Variants in CNTNAP2 observed in about 807,000 individuals in gnomAD.
The protein encoded by CNTNAP2 is contactin associated protein 2.
CNTNAP2 carries 98 observed loss-of-function variants against 155.2 expected under a neutral mutation model. That is an observed-to-expected ratio of 0.63 (90% CI 0.54 to 0.75). The LOEUF (loss-of-function observed/expected upper bound fraction) is 0.75. Among genes scored for constraint, CNTNAP2 ranks in the 30% least tolerant of loss-of-function variants. The pLI, the probability that CNTNAP2 is intolerant of heterozygous loss-of-function variation, is 0.00. For synonymous variants in CNTNAP2, 651 were observed against 631.2 expected (o/e 1.03, Z -0.47); for missense variants, 1,727 against 1,688.1 (o/e 1.02, Z -0.40).
In CNTNAP2 at chr7:148,093,187, TAAA is replaced by T. The variant is rs10553315; in HGVS notation, c.2384-24919_2384-24917del. 4.5e-4 allele frequency among the ~76,000 whole-genome samples: 65 copies of T among 145,420 alleles called. 2 individuals carry two copies. The highest frequency in any genetic ancestry group is 3.0e-3 in the East Asian group (15 of 5,034). On this transcript the variant is annotated intron_variant, in intron 15 of 23. Coordinates refer to ENST00000361727, the MANE Select transcript of CNTNAP2 (RefSeq NM_014141.6). ...AAATAGATATATCTGAGAGCTCTGC[TAAA>T]AAAAAAAAAAATTAAATTTTTTTAA...
chr7:146,211,874 T>A (rs1445303264), intron 1 of CNTNAP2, among the ~76,000 whole-genome samples: 3 of 152,242 alleles, frequency 2.0e-5, no homozygotes, highest in Middle Eastern at 3.4e-3. Flanking sequence ...AAATTCTATA[T>A]TTTTTAAGTT....
intron 8 of CNTNAP2, among the ~76,000 whole-genome samples, chr7:147,140,402 A>C (rs1270336361): frequency 1.3e-5 from 2 of 151,852 alleles, no homozygotes; most frequent in African/African-American, 4.8e-5. Context: ...TCCTTCCCTC[A>C]TTCCAATCCT....
intron 14 of CNTNAP2, among the ~76,000 whole-genome samples, chr7:147,910,360 C>T (rs911698833): frequency 6.6e-6 from 1 of 152,098 alleles, no homozygotes; most frequent in Non-Finnish European, 1.5e-5. Flanking sequence ...ATCTCATTGA[C>T]TCTATGCCAA....
intron 9 of CNTNAP2, among the ~76,000 whole-genome samples, chr7:147,343,530 T>C (rs1349934437): frequency 1.3e-5 from 2 of 152,164 alleles, no homozygotes; most frequent in African/African-American, 4.8e-5. Flanking sequence ...AGAGAAAGCC[T>C]TTATTTACTT....
At chr7:147,831,300 A>G (rs907655325) in intron 13 of CNTNAP2, among the ~76,000 whole-genome samples, 1 of 152,242 alleles carries the variant, frequency 6.6e-6, no homozygotes, top group East Asian at 1.9e-4. Flanking sequence ...ATTCTGAGAC[A>G]CTAAAAATAA....
chr7:146,347,344 G>A (rs1794834958), intron 1 of CNTNAP2, among the ~76,000 whole-genome samples: 1 of 152,074 alleles, frequency 6.6e-6, no homozygotes, highest in Non-Finnish European at 1.5e-5. Context: ...CTCACCATAA[G>A]TCCTAACTTC....
At chr7:146,338,446 T>TA (rs1801316639) in intron 1 of CNTNAP2, among the ~76,000 whole-genome samples, 1 of 152,136 alleles carries the variant, frequency 6.6e-6, no homozygotes, top group African/African-American at 2.4e-5. Flanking sequence ...AGATATAAAG[T>TA]TATATGGAGT....
chr7:146,649,650 A>G (rs1037936906), intron 1 of CNTNAP2, among the ~76,000 whole-genome samples: 4 of 152,296 alleles, frequency 2.6e-5, no homozygotes, highest in East Asian at 1.9e-4. Flanking sequence ...AAAAATTTAC[A>G]TCTTTCTCAA....
intron 1 of CNTNAP2, among the ~76,000 whole-genome samples, chr7:146,756,898 C>A (rs928246328): frequency 6.6e-6 from 1 of 152,026 alleles, no homozygotes; most frequent in African/African-American, 2.4e-5. Flanking sequence ...TGTAATTTTT[C>A]AGAACTGCTT....
chr7:147,221,766 A>G lies in CNTNAP2; in HGVS notation c.1349-78375A>G, dbSNP rs569248917. 2.0e-5 allele frequency among the ~76,000 whole-genome samples: 3 copies of G among 152,356 alleles called. No homozygotes were observed. In the East Asian group the frequency reaches 5.8e-4, roughly 29 times the overall value. ...AATGACTTAGGATGTTTTGCAAAGC[A>G]GGTCTACTGACAAGTCCCCTTAATT... On this transcript the variant is annotated intron_variant, in intron 8 of 23. Coordinates refer to ENST00000361727, the MANE Select transcript of CNTNAP2 (RefSeq NM_014141.6).
intron 1 of CNTNAP2, among the ~76,000 whole-genome samples, chr7:146,759,068 C>A (rs1585076825): frequency 6.6e-6 from 1 of 151,880 alleles, no homozygotes; most frequent in East Asian, 1.9e-4. Context: ...TTTTTGTTTT[C>A]TTTTGGATTG....
intron 1 of CNTNAP2, among the ~76,000 whole-genome samples, chr7:146,216,633 C>A (rs1322640995): frequency 6.6e-6 from 1 of 152,182 alleles, no homozygotes; most frequent in Non-Finnish European, 1.5e-5. Context: ...TCCTGCTCCT[C>A]TTTTACGTAA....
intron 12 of CNTNAP2, among the ~76,000 whole-genome samples, chr7:147,613,600 G>A (rs1369755935): frequency 6.6e-6 from 1 of 152,102 alleles, no homozygotes; most frequent in African/African-American, 2.4e-5. Context: ...CACTTTGGGA[G>A]GCCGAGGTGG....
chr7:147,717,528 T>A (rs1796499286), intron 13 of CNTNAP2, among the ~76,000 whole-genome samples: 2 of 152,142 alleles, frequency 1.3e-5, no homozygotes, highest in African/African-American at 4.8e-5. Flanking sequence ...ACTCCATAGC[T>A]AATGCTCCAC....
intron 9 of CNTNAP2, among the ~76,000 whole-genome samples, chr7:147,342,730 G>A (rs959792871): frequency 6.6e-5 from 10 of 152,052 alleles, no homozygotes; most frequent in African/African-American, 2.4e-4. Context: ...GCAACAAAAA[G>A]AGACAATCAG....
intron 11 of CNTNAP2, among the ~76,000 whole-genome samples, chr7:147,561,335 T>A (rs62481317): frequency 0.23 from 34,255 of 151,992 alleles, 4,603 homozygotes; most frequent in Non-Finnish European, 0.3. Flanking sequence ...ACATTCTTCA[T>A]TAATTCCTGG....
intron 1 of CNTNAP2, among the ~76,000 whole-genome samples, chr7:146,715,590 G>A (rs763233879): frequency 2.0e-5 from 3 of 152,010 alleles, no homozygotes; most frequent in African/African-American, 2.4e-5. Flanking sequence ...CTAGATTCAC[G>A]TCCATTTGGC....
At chr7:146,254,435 C>G (rs1799806902) in intron 1 of CNTNAP2, among the ~76,000 whole-genome samples, 1 of 151,978 alleles carries the variant, frequency 6.6e-6, no homozygotes, top group Admixed American at 6.6e-5. Flanking sequence ...CAGATCGTAC[C>G]CAAGTAAAAG....
chr7:147,915,781 A>G (rs559065178), intron 14 of CNTNAP2, among the ~76,000 whole-genome samples: 4 of 152,104 alleles, frequency 2.6e-5, no homozygotes, highest in Admixed American at 1.3e-4. Flanking sequence ...AAAAAAAAGG[A>G]AACTCTTAAT....
Sources: allele counts gnomAD v4.1 joint callset (sites outside exome capture counted in the v4.1 genomes callset), GRCh38; gene constraint gnomAD v4.1.1; transcripts MANE v1.5; gene names NCBI Gene and HGNC (gene_info 2026-07-23, HGNC 2026-07-21).